Variants in PTPRT observed in about 807,000 individuals in gnomAD.
The protein encoded by PTPRT is protein tyrosine phosphatase receptor type T.
In PTPRT, 56 loss-of-function variants were observed where a neutral mutation model predicts 176.8. That is an observed-to-expected ratio of 0.32 (90% CI 0.26 to 0.40). PTPRT has a LOEUF of 0.40. Ranked by LOEUF, PTPRT falls within the 10% of genes least tolerant of loss-of-function variation. The pLI is 1.00. For synonymous variants in PTPRT, 783 were observed against 739.0 expected (o/e 1.06, Z -0.96); for missense variants, 1,540 against 1,908.2 (o/e 0.81, Z 3.60).
chr20:42,878,293 A>C (rs2078966629), intron 2 of PTPRT, among the ~76,000 whole-genome samples: 1 of 152,252 alleles, frequency 6.6e-6, no homozygotes, highest in African/African-American at 2.4e-5. Flanking sequence ...ACATTTAATG[A>C]CATGGGAAAA....
At chr20:43,124,465 C>T (rs561679814) in intron 1 of PTPRT, among the ~76,000 whole-genome samples, 11 of 152,284 alleles carry the variant, frequency 7.2e-5, no homozygotes, top group African/African-American at 2.4e-4. Flanking sequence ...GAAATAATCC[C>T]GGGCTGGCTT....
At chr20:42,072,323 A>C (rs1420402642), downstream of PTPRT, among the ~76,000 whole-genome samples, 1 of 152,234 alleles carries the variant, frequency 6.6e-6, no homozygotes, top group Non-Finnish European at 1.5e-5. Context: ...AGAGAGTCTT[A>C]GCTGGCTGCT....
At chr20:43,057,847 T>A (rs1460991259) in intron 1 of PTPRT, among the ~76,000 whole-genome samples, 1 of 152,198 alleles carries the variant, frequency 6.6e-6, no homozygotes, top group East Asian at 1.9e-4. Context: ...AGTCACATGA[T>A]TATTTGTTTA....
chr20:43,160,299 C>G (rs1031029929), intron 1 of PTPRT, among the ~76,000 whole-genome samples: 3 of 152,188 alleles, frequency 2.0e-5, no homozygotes, highest in African/African-American at 7.2e-5. Flanking sequence ...CACGCTGAGA[C>G]GGACCAGGCT....
chr20:42,906,360 C>G (rs1029961834), intron 1 of PTPRT, among the ~76,000 whole-genome samples: 3 of 152,192 alleles, frequency 2.0e-5, no homozygotes, highest in Admixed American at 6.5e-5. Context: ...AGGGGGAAAG[C>G]CACGTTCCCA....
intron 1 of PTPRT, among the ~76,000 whole-genome samples, chr20:42,970,517 A>G (rs936779183): frequency 6.6e-6 from 1 of 152,198 alleles, no homozygotes; most frequent in Non-Finnish European, 1.5e-5. Flanking sequence ...GACAAGTTGC[A>G]TAACCTCTCT....
At chr20:42,093,435 A>ATC (rs1342331820) in intron 27 of PTPRT, among the ~76,000 whole-genome samples, 1 of 147,336 alleles carries the variant, frequency 6.8e-6, no homozygotes, top group Non-Finnish European at 1.5e-5. Context: ...CTCATTGATC[A>ATC]TAATTACCTT....
chr20:42,545,741 C>A (rs1184392134), intron 7 of PTPRT, among the ~76,000 whole-genome samples: 1 of 152,116 alleles, frequency 6.6e-6, no homozygotes, highest in Non-Finnish European at 1.5e-5. Flanking sequence ...CTGGGTTTGA[C>A]CCTAGGGCAG....
chr20:42,855,966 T>A (rs60711425), intron 2 of PTPRT, among the ~76,000 whole-genome samples: 85 of 152,106 alleles, frequency 5.6e-4, no homozygotes, highest in African/African-American at 1.9e-3. Flanking sequence ...AGGACTCAAA[T>A]GGGCAAAGAC....
rs533935266 is a variant in PTPRT at position 42,305,150 on chromosome 20, C to T, written c.2139+10573G>A. On this transcript the variant is annotated intron_variant, in intron 12 of 30. Coordinates refer to ENST00000373187, the MANE Select transcript of PTPRT (RefSeq NM_007050.6). ...GGAGGATTGCTTGAGGTCAGCAGTT[C>T]GAGACCAGCTTGGTCAACATGGTGA... Among the ~76,000 whole-genome samples the T allele has an allele frequency of 1.6e-4, 25 of 152,026 alleles. No individual in the cohort carries two copies. In the South Asian group the frequency reaches 3.7e-3, roughly 23 times the overall value.
At chr20:42,188,909 T>C (rs902012481) in intron 16 of PTPRT, among the ~76,000 whole-genome samples, 2 of 152,114 alleles carry the variant, frequency 1.3e-5, no homozygotes, top group South Asian at 2.1e-4. Flanking sequence ...ACAGTGAAGG[T>C]CTGTAACTGA....
At chr20:42,747,536 G>C (rs1233456415) in intron 6 of PTPRT, among the ~76,000 whole-genome samples, 1 of 152,206 alleles carries the variant, frequency 6.6e-6, no homozygotes, top group Non-Finnish European at 1.5e-5. Flanking sequence ...AGGGGTGGGA[G>C]GTGGGGGAGA....
intron 6 of PTPRT, among the ~76,000 whole-genome samples, chr20:42,752,059 C>T (rs889060535): frequency 4.6e-5 from 7 of 152,128 alleles, no homozygotes; most frequent in African/African-American, 1.2e-4. Flanking sequence ...TTCTTATACT[C>T]GGCACATCAC....
At chr20:42,586,711 C>T (rs1163607824) in intron 7 of PTPRT, among the ~76,000 whole-genome samples, 1 of 152,202 alleles carries the variant, frequency 6.6e-6, no homozygotes, top group Non-Finnish European at 1.5e-5. Context: ...GCATGCTATA[C>T]ATCCTGTTCC....
chr20:42,884,940 C>T (rs2079078884), intron 2 of PTPRT, among the ~76,000 whole-genome samples: 4 of 152,022 alleles, frequency 2.6e-5, no homozygotes, highest in Admixed American at 2.0e-4. Context: ...AGGTATACCC[C>T]ACATTTAGAG....
chr20:43,128,582 G>A (rs6072989), intron 1 of PTPRT, among the ~76,000 whole-genome samples: 1 of 152,218 alleles, frequency 6.6e-6, no homozygotes. Context: ...GTCACCAAAT[G>A]AGAAAGTTCC....
At chr20:42,625,345 G>A (rs2074270043) in intron 7 of PTPRT, among the ~76,000 whole-genome samples, 1 of 151,942 alleles carries the variant, frequency 6.6e-6, no homozygotes, top group South Asian at 2.1e-4. Flanking sequence ...GAAAGAGGGA[G>A]AACGAATAAA....
chr20:42,214,987 T>G lies in PTPRT; in HGVS notation c.2343-15599A>C, dbSNP rs74319067. ...ATAGGGATAATTATAATGAATTCTC[T>G]TAGCAATGCTTTGAGGTAGATACTA... On this transcript the variant is annotated intron_variant, in intron 15 of 30. Coordinates refer to ENST00000373187, the MANE Select transcript of PTPRT (RefSeq NM_007050.6). Among the ~76,000 whole-genome samples the G allele has an allele frequency of 2.4e-3, 362 of 152,366 alleles. 1 individual carries two copies. The highest frequency in any genetic ancestry group is 8.3e-3 in the African/African-American group (347 of 41,592).
chr20:42,711,763 C>A (rs2076147749), intron 6 of PTPRT, among the ~76,000 whole-genome samples: 1 of 151,234 alleles, frequency 6.6e-6, no homozygotes. Flanking sequence ...TAGCCTCGGA[C>A]TTATGGGGCT....
Sources: allele counts gnomAD v4.1 joint callset (sites outside exome capture counted in the v4.1 genomes callset), GRCh38; gene constraint gnomAD v4.1.1; transcripts MANE v1.5; gene names NCBI Gene and HGNC (gene_info 2026-07-23, HGNC 2026-07-21).